DMD: variants seen among roughly 807,000 people sequenced by gnomAD.
DMD encodes the protein dystrophin.
DMD carries 63 observed loss-of-function variants against 330.1 expected under a neutral mutation model. The ratio of observed to expected loss-of-function variants is 0.19; its 90% CI spans 0.16 to 0.24. The LOEUF (loss-of-function observed/expected upper bound fraction) is 0.24. Ranked by LOEUF, DMD falls within the 10% of genes least tolerant of loss-of-function variation. The pLI, the probability that DMD is intolerant of heterozygous loss-of-function variation, is 1.00. For missense variants in DMD, 3,344 were observed against 2,684.1 expected, an observed-to-expected ratio of 1.25 and a Z score of -5.43; for synonymous variants, 1,223 against 959.8, an observed-to-expected ratio of 1.27 and a Z score of -5.07.
At chrX:32,434,573 G>A (rs1177822925) in intron 29 of DMD, among the ~76,000 whole-genome samples, 1 of 111,885 alleles carries the variant, frequency 8.9e-6, no homozygotes, top group Non-Finnish European at 1.9e-5. Context: ...TAAAAACTCA[G>A]TTACTGTAAT....
rs746647445 is a variant in DMD at position 32,969,067 on chromosome X, C to A, written c.93+51072G>T. 1.1e-4 allele frequency among the ~76,000 whole-genome samples: 9 copies of A among 84,273 alleles called. No homozygotes were observed. In the East Asian group the frequency reaches 3.4e-3, roughly 32 times the overall value. The allele number at this position is 84,273 out of a possible 115,157, so 73.2% of individuals were successfully genotyped here. A position where few individuals can be genotyped will look rare whatever the true frequency, so the allele number is the denominator to read the frequency against. The stretch of plus-strand genomic sequence containing the variant: ...AAAAAAAAAAAAAAAGAACCTAGAA[C>A]GCTCCCTTTCCCCTCCACCATGTGA... On this transcript the variant is annotated intron_variant, in intron 2 of 78. Coordinates refer to ENST00000357033, the MANE Select transcript of DMD (RefSeq NM_004006.3).
At chrX:32,015,394 G>A (rs1400953031) in intron 44 of DMD, among the ~76,000 whole-genome samples, 1 of 110,972 alleles carries the variant, frequency 9.0e-6, no homozygotes, top group Non-Finnish European at 1.9e-5. Context: ...TGGCCTGTGA[G>A]TAGCGTTCTG....
intron 54 of DMD, among the ~76,000 whole-genome samples, chrX:31,647,464 A>G (rs1397196670): frequency 8.9e-6 from 1 of 112,287 alleles, no homozygotes; most frequent in Non-Finnish European, 1.9e-5. Flanking sequence ...CTATAAAAAC[A>G]TAAAATCATA....
intron 7 of DMD, among the ~76,000 whole-genome samples, chrX:32,718,393 T>TC (rs1297788624): frequency 9.0e-6 from 1 of 111,079 alleles, no homozygotes; most frequent in Non-Finnish European, 1.9e-5. Flanking sequence ...CGTGCCTACT[T>TC]CCCCTTCACC....
intron 5 of DMD, 140 bp downstream of exon 5, chrX:32,823,155 G>C (rs1225983963): frequency 1.2e-5 from 6 of 499,787 alleles, no homozygotes; most frequent in Admixed American, 1.2e-4. Flanking sequence ...AGACGACATG[G>C]TAGTGTCAAT....
chrX:31,140,087 G>A (rs988095159), intron 76 of DMD, among the ~76,000 whole-genome samples: 21 of 112,269 alleles, frequency 1.9e-4, no homozygotes, highest in African/African-American at 6.8e-4. Context: ...AAAAGAAAAG[G>A]AATGCTTTGC....
intron 18 of DMD, among the ~76,000 whole-genome samples, chrX:32,510,770 G>A (rs2045213071): frequency 9.0e-6 from 1 of 111,496 alleles, no homozygotes; most frequent in Non-Finnish European, 1.9e-5. Flanking sequence ...AAGGAAGGAT[G>A]GATTAAATCA....
intron 63 of DMD, among the ~76,000 whole-genome samples, chrX:31,257,009 CA>C (rs1323614457): frequency 9.1e-6 from 1 of 109,639 alleles, no homozygotes; most frequent in Non-Finnish European, 1.9e-5. Context: ...AGCTTTTCAT[CA>C]GTAAATACTT....
intron 60 of DMD, among the ~76,000 whole-genome samples, chrX:31,434,426 A>ATG (rs1569541942): frequency 3.2e-5 from 2 of 62,929 alleles, no homozygotes; most frequent in African/African-American, 2.2e-4. Context: ...GCGCACACAC[A>ATG]CACACACACA....
Position 33,202,214 on chromosome X carries a change from T to C in DMD, c.31+9068A>G, listed in dbSNP as rs1376810640. Among the ~76,000 whole-genome samples, 4 of 111,978 alleles carry C rather than the reference T, an allele frequency of 3.6e-5. No individual in the cohort carries two copies. The Admixed American group carries it at 3.8e-4, about 11-fold the overall frequency. ...AGATACTATGATTCCTGCCATTTTA[T>C]ATTTTGTTCTATCCTTTTTAGAATT... On this transcript the variant is annotated intron_variant, in intron 1 of 78. Transcript: ENST00000357033.
Position 31,932,118 on chromosome X carries a change from T to C in DMD, c.6724A>G (p.Lys2242Glu). ...AGCTTTTCTTTTAGTTGCTGCTCTT[T>C]TCCAGGTTCAAGTGGGATACTAGCA... Reference protein sequence around the residue: ...NIASIPLEPGKEQQLKEKLEQ... With the variant: ...NIASIPLEPGEEQQLKEKLEQ... Residue 2242 changes from lysine to glutamate, a missense_variant, in exon 46 of 79, where the codon AAA becomes GAA. Physicochemically the swap from Lys to Glu is moderately conservative, Grantham distance 56 (BLOSUM62 1). Transcript: ENST00000357033. 8.3e-7 allele frequency: 1 copy of C among 1,211,245 alleles called. No individual in the cohort carries two copies. Among genetic ancestry groups the C allele is most frequent in the Non-Finnish European group, 1.1e-6 (1 of 894,952 alleles).
intron 26 of DMD, among the ~76,000 whole-genome samples, chrX:32,453,160 A>AT (rs1569563229): frequency 9.0e-6 from 1 of 110,525 alleles, no homozygotes; most frequent in East Asian, 2.8e-4. Context: ...GATTTCATTT[A>AT]TTTTTCCATT....
In DMD at chrX:32,252,765, TATATATAA is replaced by T. The variant is rs1179613216; in HGVS notation, c.6290+34756_6290+34763del. Among the ~76,000 whole-genome samples, 24 of 38,778 alleles carry T rather than the reference TATATATAA, an allele frequency of 6.2e-4. 2 individuals carry two copies. Among genetic ancestry groups the T allele is most frequent in the African/African-American group, 2.2e-3 (12 of 5,361 alleles). 33.7% of individuals were successfully genotyped at this position (38,778 alleles called of 115,157 possible). A position where few individuals can be genotyped will look rare whatever the true frequency, so the allele number is the denominator to read the frequency against. ...ATATAAATATATATAAATATATAAATATATATAAATATATATAAATATATATAAATATA... is the reference window on the plus strand; with the variant it reads ...ATATAAATATATATAAATATATAAATATATATATAAATATATATAAATATA... On this transcript the variant is annotated intron_variant, in intron 43 of 78. Transcript: ENST00000357033.
At chrX:31,598,902 T>C (rs2148192739) in intron 55 of DMD, among the ~76,000 whole-genome samples, 1 of 112,400 alleles carries the variant, frequency 8.9e-6, no homozygotes, top group Non-Finnish European at 1.9e-5. Flanking sequence ...ACAGATGTTA[T>C]TCAAAAGAAA....
chrX:32,160,209 GT>G (rs201236399), intron 44 of DMD, among the ~76,000 whole-genome samples: 11,215 of 91,949 alleles, frequency 0.12, 651 homozygotes, highest in African/African-American at 0.23. Flanking sequence ...TCCAACTTTG[GT>G]TTTTTTTTTT....
intron 26 of DMD, among the ~76,000 whole-genome samples, chrX:32,453,571 T>G (rs1401902711): frequency 2.7e-5 from 3 of 110,965 alleles, no homozygotes; most frequent in African/African-American, 9.8e-5. Flanking sequence ...TTTTACCATG[T>G]GGCCCTTTCA....
At position 31,933,320 on chromosome X, in the gene DMD, G is replaced by A. The variant is rs772842958; in HGVS notation, c.6615-1093C>T. 2.7e-5 allele frequency among the ~76,000 whole-genome samples: 3 copies of A among 111,291 alleles called. No homozygotes were observed. In the South Asian group the frequency reaches 1.1e-3, roughly 42 times the overall value. Reference sequence around the variant, plus strand: ...ATTATTACATGCTAAACTGTTTTCCGAATTATGACTCACAACCTTATTTGA... The same window carrying A: ...ATTATTACATGCTAAACTGTTTTCCAAATTATGACTCACAACCTTATTTGA... On this transcript the variant is annotated intron_variant, in intron 45 of 78. Transcript: ENST00000357033.
Position 32,310,273 on chromosome X carries a change from T to C in DMD, c.5926A>G (p.Thr1976Ala). ...ACCATCATCGTTTCTTCACGGACAG[T>C]GTGCTGGTATAGATATACAAAAGAA... ...FRRLNFAQIH[T>A]VREETMMVMT... Residue 1976 changes from threonine (T) to alanine (A), a missense_variant, in exon 42 of 79, where the codon ACT becomes GCT. Physicochemically the swap from Thr to Ala is moderately conservative, Grantham distance 58. Transcript: ENST00000357033. The C allele has an allele frequency of 8.3e-7, 1 of 1,207,025 alleles. No individual in the cohort carries two copies. The highest frequency in any genetic ancestry group is 1.7e-5 in the African/African-American group (1 of 57,518).
At chrX:32,623,660 T>C (rs2058149997) in intron 11 of DMD, among the ~76,000 whole-genome samples, 1 of 109,355 alleles carries the variant, frequency 9.1e-6, no homozygotes, top group South Asian at 4.0e-4. Context: ...CCTGAGTAGC[T>C]GAGACTACAG....
Sources: gnomAD v4.1 joint callset for allele counts (sites outside exome capture counted in the v4.1 genomes callset) on GRCh38, gnomAD v4.1.1 for gene constraint, MANE v1.5 for transcripts, NCBI Gene and HGNC (gene_info 2026-07-23, HGNC 2026-07-21) for gene names.